Variants in APBB1IP observed in about 807,000 individuals in gnomAD.
APBB1IP encodes the protein amyloid beta A4 precursor protein-binding family B member 1-interacting protein.
In APBB1IP, 27 loss-of-function variants were observed where a neutral mutation model predicts 64.9. That is an observed-to-expected ratio of 0.42 (90% CI 0.31 to 0.57). The LOEUF is 0.57. Among genes scored for constraint, APBB1IP ranks in the 20% least tolerant of loss-of-function variants. The pLI, the probability that APBB1IP is intolerant of heterozygous loss-of-function variation, is 0.20. For synonymous variants in APBB1IP, 392 were observed against 331.0 expected, an observed-to-expected ratio of 1.18 and a Z score of -2.00; for missense variants, 812 against 845.5, an observed-to-expected ratio of 0.96 and a Z score of 0.49.
chr10:26,447,647 G>A (rs1445349957), intron 2 of APBB1IP, among the ~76,000 whole-genome samples: 2 of 152,148 alleles, frequency 1.3e-5, no homozygotes, highest in Admixed American at 6.5e-5. Context: ...GAGCTGTCCA[G>A]TAGAACTACA....
rs373569590 is a variant in APBB1IP at position 26,508,145 on chromosome 10, C to T, written c.532-3602C>T. 7.9e-5 allele frequency among the ~76,000 whole-genome samples: 12 copies of T among 152,122 alleles called. No individual in the cohort carries two copies. In the East Asian group the frequency reaches 1.5e-3, roughly 20 times the overall value. On this transcript the variant is annotated intron_variant, in intron 6 of 14. Coordinates refer to ENST00000376236, the MANE Select transcript of APBB1IP (RefSeq NM_019043.4). Reference sequence around the variant, plus strand: ...CACGCTCATGCATTAAAAGAATAACCGCAATGTACTCATGCATAATCTACA... The same window carrying T: ...CACGCTCATGCATTAAAAGAATAACTGCAATGTACTCATGCATAATCTACA...
At chr10:26,487,056 A>G (rs1176291756) in intron 2 of APBB1IP, among the ~76,000 whole-genome samples, 1 of 152,134 alleles carries the variant, frequency 6.6e-6, no homozygotes, top group Non-Finnish European at 1.5e-5. Context: ...CAGAAGTGAC[A>G]TACTCACAAA....
intron 2 of APBB1IP, among the ~76,000 whole-genome samples, chr10:26,451,688 A>G (rs1474239740): frequency 6.6e-6 from 1 of 152,350 alleles, no homozygotes; most frequent in East Asian, 1.9e-4. Context: ...AAAGTCATTT[A>G]TCTTCCCTGC....
At chr10:26,492,235 T>C in intron 2 of APBB1IP, 92 bp from the exon 3 acceptor site, 1 of 1,154,556 alleles carries the variant, frequency 8.7e-7, no homozygotes, top group Non-Finnish European at 1.3e-6. Flanking sequence ...TGCCCATGGA[T>C]GGGGCTCTTG....
chr10:26,522,089 A>G (rs116953991), intron 8 of APBB1IP, among the ~76,000 whole-genome samples: 2,541 of 152,306 alleles, frequency 0.017, 29 homozygotes, highest in Non-Finnish European at 0.025. Flanking sequence ...CATGTCCAAC[A>G]TATTTTGAAT....
intron 8 of APBB1IP, among the ~76,000 whole-genome samples, chr10:26,524,951 C>CTT (rs1322880718): frequency 4.6e-5 from 2 of 43,160 alleles, no homozygotes; most frequent in African/African-American, 6.7e-5. Flanking sequence ...CTCTTTCTTT[C>CTT]TTTCTTTTTT....
chr10:26,539,936 T>C (rs1836676735), intron 10 of APBB1IP, among the ~76,000 whole-genome samples: 1 of 152,080 alleles, frequency 6.6e-6, no homozygotes, highest in Admixed American at 6.5e-5. Context: ...TATCCAAATT[T>C]TGGTGGAAGT....
At chr10:26,457,873 G>A (rs954629551) in intron 2 of APBB1IP, among the ~76,000 whole-genome samples, 4 of 152,176 alleles carry the variant, frequency 2.6e-5, no homozygotes, top group Non-Finnish European at 5.9e-5. Flanking sequence ...TTATCCTAAA[G>A]ATAATCTGGA....
At chr10:26,521,277 C>A (rs1836398431) in intron 8 of APBB1IP, among the ~76,000 whole-genome samples, 1 of 152,200 alleles carries the variant, frequency 6.6e-6, no homozygotes, top group African/African-American at 2.4e-5. Context: ...TGCACAGACA[C>A]TGTTAGCTCC....
Position 26,541,632 on chromosome 10 carries a change from C to T in APBB1IP, c.1095C>T (p.Tyr365=), listed in dbSNP as rs767216968. The change falls in exon 11 of 15, where the codon TAC becomes TAT. Residue 365 remains tyrosine, a synonymous_variant. Coordinates refer to ENST00000376236, the MANE Select transcript of APBB1IP (RefSeq NM_019043.4). ...TACAGTTTGAAAATGTCAACATTTA[C>T]TATGGGACTCAGCATAAAATGAAAT... is the stretch of plus-strand genomic sequence containing the variant. ...CFIQFENVNI[Y]YGTQHKMKYK... 6 of 1,612,656 alleles carry T rather than the reference C, an allele frequency of 3.7e-6. No homozygotes were observed. Among genetic ancestry groups the T allele is most frequent in the Non-Finnish European group, 4.2e-6 (5 of 1,179,610 alleles).
chr10:26,510,758 ACACACACACACACACAC>A (rs1190620112), intron 6 of APBB1IP, among the ~76,000 whole-genome samples: 5 of 151,622 alleles, frequency 3.3e-5, no homozygotes, highest in Non-Finnish European at 5.9e-5. Context: ...ACACACACAC[ACACACACACACACACAC>A]AAATGAAAAT....
chr10:26,467,570 A>T (rs2783352), intron 2 of APBB1IP, among the ~76,000 whole-genome samples: 13 of 152,210 alleles, frequency 8.5e-5, no homozygotes. Flanking sequence ...GTGCACACCT[A>T]TAGTCCCAGT....
intron 11 of APBB1IP, among the ~76,000 whole-genome samples, chr10:26,556,788 TG>T (rs1836899901): frequency 6.6e-6 from 1 of 152,216 alleles, no homozygotes; most frequent in African/African-American, 2.4e-5. Context: ...TTTAAATGTC[TG>T]AGTGGGGGGT....
chr10:26,483,826 C>T (rs1265709523), intron 2 of APBB1IP, among the ~76,000 whole-genome samples: 1 of 152,174 alleles, frequency 6.6e-6, no homozygotes, highest in Non-Finnish European at 1.5e-5. Flanking sequence ...AATCTTCCTG[C>T]CTCGGCCTCC....
At chr10:26,466,453 A>C (rs1835649354) in intron 2 of APBB1IP, among the ~76,000 whole-genome samples, 2 of 152,212 alleles carry the variant, frequency 1.3e-5, no homozygotes, top group African/African-American at 4.8e-5. Context: ...ATATGAGTAA[A>C]GAAAGAAAGT....
chr10:26,445,163 AGAAAGAAAG>A lies in APBB1IP; in HGVS notation c.-1+6311_-1+6319del, dbSNP rs1278489973. On this transcript the variant is annotated intron_variant, in intron 2 of 14. Transcript: ENST00000376236. The stretch of plus-strand genomic sequence containing the variant: ...AAGAAAGAAAGAAAGAAAGAAAGAA[AGAAAGAAAG>A]AAAGAAAGAAAGAAAGAAAGAAAAG... 1.7e-4 allele frequency among the ~76,000 whole-genome samples: 26 copies of A among 151,410 alleles called. No homozygotes were observed. In the East Asian group the frequency reaches 5.0e-3, roughly 29 times the overall value.
Position 26,531,118 on chromosome 10 carries a change from TG to T in APBB1IP, c.814-2320del, listed in dbSNP as rs1385524142. On this transcript the variant is annotated intron_variant, in intron 8 of 14. Transcript: ENST00000376236. ...CTGTAATCCTAGCACTTTGGGAGGC[TG>T]AGGGGGGCAGTTTGAGACCAGCCTG... Among the ~76,000 whole-genome samples, 10 of 150,568 alleles carry T rather than the reference TG, an allele frequency of 6.6e-5. No individual in the cohort carries two copies. In the South Asian group the frequency reaches 1.9e-3, roughly 28 times the overall value.
At chr10:26,530,120 G>A (rs918780729) in intron 8 of APBB1IP, among the ~76,000 whole-genome samples, 2 of 152,074 alleles carry the variant, frequency 1.3e-5, no homozygotes, top group Non-Finnish European at 2.9e-5. Context: ...TGTAACATAG[G>A]ACTTATCATC....
intron 2 of APBB1IP, among the ~76,000 whole-genome samples, chr10:26,473,637 C>T (rs1588575413): frequency 6.6e-6 from 1 of 152,194 alleles, no homozygotes; most frequent in African/African-American, 2.4e-5. Context: ...AGGTGACCCC[C>T]GTTGGTGGTA....
Sources: allele counts gnomAD v4.1 joint callset (sites outside exome capture counted in the v4.1 genomes callset), GRCh38; gene constraint gnomAD v4.1.1; transcripts MANE v1.5; gene names NCBI Gene and HGNC (gene_info 2026-07-23, HGNC 2026-07-21).